The following NKAIN2 variants were observed in gnomAD, a reference collection of about 807,000 sequenced individuals.
The protein encoded by NKAIN2 is sodium/potassium transporting ATPase interacting 2.
Under a neutral mutation model 32.6 loss-of-function variants are expected in NKAIN2, and 14 were observed. That is an observed-to-expected ratio of 0.43 (90% CI 0.28 to 0.67). The LOEUF (loss-of-function observed/expected upper bound fraction) is 0.67. NKAIN2 is among the 30% of genes least tolerant of loss of function. The pLI, the probability that NKAIN2 is intolerant of heterozygous loss-of-function variation, is 0.17. For missense variants in NKAIN2, 198 were observed against 258.3 expected (o/e 0.77, Z 1.60); for synonymous variants, 80 against 87.2 (o/e 0.92, Z 0.46).
At chr6:124,266,794 T>C (rs1794512333) in intron 1 of NKAIN2, among the ~76,000 whole-genome samples, 1 of 152,148 alleles carries the variant, frequency 6.6e-6, no homozygotes. Context: ...GATAAAGATA[T>C]GGATGTGGAT....
intron 1 of NKAIN2, among the ~76,000 whole-genome samples, chr6:123,928,287 C>CT (rs1404380247): frequency 2.6e-5 from 4 of 152,274 alleles, no homozygotes; most frequent in African/African-American, 9.6e-5. Context: ...GACTGAAAAA[C>CT]TATCTATTGG....
chr6:124,368,464 G>A (rs996562148), intron 3 of NKAIN2, among the ~76,000 whole-genome samples: 6 of 152,076 alleles, frequency 3.9e-5, no homozygotes, highest in African/African-American at 1.4e-4. Flanking sequence ...CCCAGTGGAT[G>A]TCAAGAACCC....
At chr6:123,916,206 T>C (rs1775484633) in intron 1 of NKAIN2, among the ~76,000 whole-genome samples, 2 of 152,140 alleles carry the variant, frequency 1.3e-5, no homozygotes, top group Admixed American at 1.3e-4. Context: ...TTAATGGAAA[T>C]TTTGGGTATA....
At chr6:124,446,254 G>T in intron 3 of NKAIN2, among the ~76,000 whole-genome samples, 1 of 152,140 alleles carries the variant, frequency 6.6e-6, no homozygotes, top group East Asian at 1.9e-4. Flanking sequence ...GGTCATGCTA[G>T]TTTAGGAATT....
At chr6:124,279,250 G>C (rs1041006441) in intron 1 of NKAIN2, among the ~76,000 whole-genome samples, 6 of 152,036 alleles carry the variant, frequency 3.9e-5, no homozygotes, top group Non-Finnish European at 8.8e-5. Flanking sequence ...GCTCACACCT[G>C]TACTCTCAGC....
At chr6:123,835,345 A>G (rs1217724403) in intron 1 of NKAIN2, among the ~76,000 whole-genome samples, 1 of 152,208 alleles carries the variant, frequency 6.6e-6, no homozygotes, top group Non-Finnish European at 1.5e-5. Flanking sequence ...TGTTTTTGGT[A>G]CGTGGCTATC....
intron 3 of NKAIN2, among the ~76,000 whole-genome samples, chr6:124,602,114 A>G (rs187870394): frequency 2.4e-4 from 37 of 152,112 alleles, no homozygotes; most frequent in African/African-American, 7.2e-4. Flanking sequence ...TTAGGACTCA[A>G]TAAATCTAAA....
intron 3 of NKAIN2, among the ~76,000 whole-genome samples, chr6:124,403,353 A>G (rs1773710172): frequency 6.6e-6 from 1 of 152,146 alleles, no homozygotes; most frequent in Non-Finnish European, 1.5e-5. Flanking sequence ...TACTAATTCT[A>G]ATAAATTACA....
chr6:124,305,714 C>A (rs187089286), intron 2 of NKAIN2, among the ~76,000 whole-genome samples: 1 of 152,230 alleles, frequency 6.6e-6, no homozygotes, highest in Non-Finnish European at 1.5e-5. Context: ...CACTTTCTAT[C>A]TTATGTTCTT....
At chr6:123,819,301 T>G (rs959907545) in intron 1 of NKAIN2, among the ~76,000 whole-genome samples, 1 of 152,148 alleles carries the variant, frequency 6.6e-6, no homozygotes, top group African/African-American at 2.4e-5. Flanking sequence ...CTGTATTCAC[T>G]TGAAGCCAAT....
At chr6:124,004,800 T>A (rs1386688281) in intron 1 of NKAIN2, among the ~76,000 whole-genome samples, 2 of 150,768 alleles carry the variant, frequency 1.3e-5, no homozygotes, top group Admixed American at 1.3e-4. Flanking sequence ...ACATGGCACA[T>A]GTATACCTAT....
At chr6:123,960,179 G>T (rs146160572) in intron 1 of NKAIN2, among the ~76,000 whole-genome samples, 1 of 152,058 alleles carries the variant, frequency 6.6e-6, no homozygotes, top group African/African-American at 2.4e-5. Flanking sequence ...AAAAAAAATT[G>T]CCAGCCAACA....
At chr6:124,400,319 T>G (rs541206745) in intron 3 of NKAIN2, among the ~76,000 whole-genome samples, 10 of 152,054 alleles carry the variant, frequency 6.6e-5, no homozygotes, top group African/African-American at 2.4e-4. Context: ...CTGAGAGAGA[T>G]AAGTGTCAGC....
At chr6:123,903,263 G>C (rs1340556184) in intron 1 of NKAIN2, among the ~76,000 whole-genome samples, 1 of 152,162 alleles carries the variant, frequency 6.6e-6, no homozygotes, top group African/African-American at 2.4e-5. Flanking sequence ...GGAGCATGGG[G>C]GAAGAGCCGT....
At chr6:123,976,348 C>T (rs1403703635) in intron 1 of NKAIN2, among the ~76,000 whole-genome samples, 2 of 13,734 alleles carry the variant, frequency 1.5e-4, no homozygotes, top group South Asian at 4.4e-3. Flanking sequence ...TATATGTTCC[C>T]ATATATATAT....
rs559043315 is a variant in NKAIN2, at chr6:124,595,796, G to A, written c.274-62390G>A. Among the ~76,000 whole-genome samples, 101 of 152,172 alleles carry A rather than the reference G, an allele frequency of 6.6e-4. 1 individual carries two copies. The highest frequency in any genetic ancestry group is 1.6e-3 in the Admixed American group (25 of 15,268). ...TAAGTAGTGCAGCGATTACAGCAGA[G>A]ACAGCATACTTTAAGAATGAAGATG... is the stretch of plus-strand genomic sequence containing the variant. On this transcript the variant is annotated intron_variant, in intron 3 of 6. Coordinates refer to ENST00000368417, the MANE Select transcript of NKAIN2 (RefSeq NM_001040214.3).
At chr6:124,228,992 A>G (rs192600444) in intron 1 of NKAIN2, among the ~76,000 whole-genome samples, 1 of 152,202 alleles carries the variant, frequency 6.6e-6, no homozygotes, top group African/African-American at 2.4e-5. Flanking sequence ...CTGAGAGATC[A>G]TATAATACTG....
In NKAIN2 at chr6:124,421,718, C is replaced by A. The variant is rs561121732; in HGVS notation, c.273+66371C>A. ...AAATGGTGGGAAAGTGACTAGGAAGCATATGAGGAAAACTAATAGAAGGTA... is the reference window on the plus strand; with the variant it reads ...AAATGGTGGGAAAGTGACTAGGAAGAATATGAGGAAAACTAATAGAAGGTA... On this transcript the variant is annotated intron_variant, in intron 3 of 6. Transcript: ENST00000368417. Among the ~76,000 whole-genome samples, 4 of 152,126 alleles carry A rather than the reference C, an allele frequency of 2.6e-5. No homozygotes were observed. In the East Asian group the frequency reaches 7.7e-4, roughly 29 times the overall value.
At chr6:124,638,575 G>A (rs1783859165) in intron 3 of NKAIN2, among the ~76,000 whole-genome samples, 1 of 151,908 alleles carries the variant, frequency 6.6e-6, no homozygotes, top group Non-Finnish European at 1.5e-5. Flanking sequence ...AACAACAACA[G>A]CAAAAAACAT....
Sources: allele counts gnomAD v4.1 joint callset (sites outside exome capture counted in the v4.1 genomes callset), GRCh38; gene constraint gnomAD v4.1.1; transcripts MANE v1.5; gene names NCBI Gene and HGNC (gene_info 2026-07-23, HGNC 2026-07-21).